MEGF10: variants seen among roughly 807,000 people sequenced by gnomAD.
MEGF10 encodes multiple epidermal growth factor-like domains protein 10.
MEGF10 carries 86 observed loss-of-function variants against 147.5 expected under a neutral mutation model. That is an observed-to-expected ratio of 0.58 (90% CI 0.49 to 0.70). The LOEUF is 0.70. Ranked by LOEUF, MEGF10 falls within the 30% of genes least tolerant of loss-of-function variation. The pLI is 0.00. For missense variants in MEGF10, 1,329 were observed against 1,487.3 expected, an observed-to-expected ratio of 0.89 and a Z score of 1.75; for synonymous variants, 478 against 525.5, an observed-to-expected ratio of 0.91 and a Z score of 1.24.
At chr5:127,350,556 G>A (rs781352901) in intron 4 of MEGF10, among the ~76,000 whole-genome samples, 16 of 151,340 alleles carry the variant, frequency 1.1e-4, no homozygotes, top group Non-Finnish European at 2.1e-4. Flanking sequence ...TCCTTTCTAA[G>A]CAGCAGGCAC....
At chr5:127,442,217 G>T (rs1172443103) in intron 18 of MEGF10, among the ~76,000 whole-genome samples, 2 of 152,154 alleles carry the variant, frequency 1.3e-5, no homozygotes, top group Admixed American at 6.5e-5. Context: ...TATTTTTGGA[G>T]ACTTCTCCCA....
chr5:127,389,022 T>C (rs1453227885), intron 5 of MEGF10, among the ~76,000 whole-genome samples: 1 of 152,198 alleles, frequency 6.6e-6, no homozygotes, highest in African/African-American at 2.4e-5. Context: ...AGAAATATAA[T>C]GGTGGAATAT....
At chr5:127,253,222 G>A in the MEGF10 span, among the ~76,000 whole-genome samples, 1 of 151,908 alleles carries the variant, frequency 6.6e-6, no homozygotes, top group Non-Finnish European at 1.5e-5. Flanking sequence ...AATTTATTGA[G>A]CCAGGGATTA....
the MEGF10 span, among the ~76,000 whole-genome samples, chr5:127,230,370 TG>T: frequency 2.6e-5 from 4 of 151,984 alleles, no homozygotes; most frequent in Non-Finnish European, 5.9e-5. Context: ...TCCCCAGGCT[TG>T]AAGCTAACTG....
intron 7 of MEGF10, among the ~76,000 whole-genome samples, chr5:127,400,314 A>T (rs1764077109): frequency 1.3e-5 from 2 of 152,210 alleles, no homozygotes; most frequent in Admixed American, 1.3e-4. Flanking sequence ...GGTGAAAAAG[A>T]AGCTGTTTAA....
At chr5:127,305,337 G>A (rs925770414) in intron 1 of MEGF10, among the ~76,000 whole-genome samples, 1 of 152,184 alleles carries the variant, frequency 6.6e-6, no homozygotes, top group East Asian at 1.9e-4. Context: ...ATAGCTGTGT[G>A]TTCATAGGAT....
the MEGF10 span, among the ~76,000 whole-genome samples, chr5:127,265,772 T>A: frequency 6.6e-6 from 1 of 152,158 alleles, no homozygotes. Flanking sequence ...GGGTTGTTTG[T>A]TTTTTTCTTG....
rs1766489343 is a variant in MEGF10 at position 127,459,545 on chromosome 5, T to C, written c.*2227T>C. 1.3e-5 allele frequency: 2 copies of C among 152,184 alleles called. No individual in the cohort carries two copies. The highest frequency in any genetic ancestry group is 1.3e-4 in the Admixed American group (2 of 15,258). The allele number at this position is 152,184 out of a possible 1,614,324, so 9.4% of individuals were successfully genotyped here. A position where few individuals can be genotyped will look rare whatever the true frequency, so the allele number is the denominator to read the frequency against. On this transcript the variant is annotated 3_prime_UTR_variant, in exon 25 of 25. Coordinates refer to ENST00000503335, the MANE Select transcript of MEGF10 (RefSeq NM_001256545.2). ...TGGTAAATTTGAATTTCCCCATTGT[T>C]CTCTAGAGCTAGGTCAAAAAAACAA...
the MEGF10 span, among the ~76,000 whole-genome samples, chr5:127,283,891 CTT>C: frequency 6.6e-6 from 1 of 152,114 alleles, no homozygotes; most frequent in African/African-American, 2.4e-5. Context: ...CATATTAAAA[CTT>C]TTTTTGGGGG....
intron 5 of MEGF10, among the ~76,000 whole-genome samples, chr5:127,372,760 C>G (rs1327467899): frequency 6.6e-6 from 1 of 152,196 alleles, no homozygotes; most frequent in African/African-American, 2.4e-5. Context: ...TGCTCTTTCT[C>G]TTCACATGAT....
intron 4 of MEGF10, among the ~76,000 whole-genome samples, chr5:127,368,195 A>C (rs1264426430): frequency 6.6e-6 from 1 of 152,208 alleles, no homozygotes; most frequent in African/African-American, 2.4e-5. Context: ...CAGTGTGTTC[A>C]TATGTTACAG....
rs199600155 is a variant in MEGF10, at chr5:127,410,474, G to A, written c.1003G>A (p.Val335Met). 9.9e-6 allele frequency: 16 copies of A among 1,614,210 alleles called. No homozygotes were observed. Among genetic ancestry groups the A allele is most frequent in the Middle Eastern group, 1.6e-4 (1 of 6,062 alleles). Residue 335 changes from valine to methionine, a missense_variant, in exon 9 of 25, where the codon GTG (valine) becomes ATG (methionine). Coordinates refer to ENST00000503335, the MANE Select transcript of MEGF10 (RefSeq NM_001256545.2). ...TGTCAACGGAGGGAAGTGTTACCAC[G>A]TGAGCGGCGCATGCCTCTGTGAAGC... Reference protein sequence around the residue: ...QCVNGGKCYHVSGACLCEAGF... With the variant: ...QCVNGGKCYHMSGACLCEAGF...
chr5:127,388,165 T>G (rs922942231), intron 5 of MEGF10, among the ~76,000 whole-genome samples: 23 of 152,182 alleles, frequency 1.5e-4, no homozygotes, highest in African/African-American at 4.3e-4. Flanking sequence ...TATTATCATT[T>G]TGAGGCAGGA....
At chr5:127,406,565 G>T (rs1032369375) in intron 8 of MEGF10, among the ~76,000 whole-genome samples, 16 of 152,196 alleles carry the variant, frequency 1.1e-4, no homozygotes, top group Non-Finnish European at 2.2e-4. Context: ...TGAGAAGTCA[G>T]TGAAATTTGA....
intron 4 of MEGF10, among the ~76,000 whole-genome samples, chr5:127,352,849 A>G (rs1205535822): frequency 6.6e-6 from 1 of 152,216 alleles, no homozygotes; most frequent in Non-Finnish European, 1.5e-5. Context: ...CTGATAAAGA[A>G]GACAGTTTGA....
At chr5:127,388,503 ATTTTCTT>A (rs1031307590) in intron 5 of MEGF10, among the ~76,000 whole-genome samples, 1 of 147,692 alleles carries the variant, frequency 6.8e-6, no homozygotes, top group African/African-American at 2.5e-5. Flanking sequence ...TAGCTCCTTA[ATTTTCTT>A]TTTTCTTTTT....
intron 4 of MEGF10, among the ~76,000 whole-genome samples, chr5:127,367,087 G>A (rs1762684832): frequency 6.6e-6 from 1 of 152,128 alleles, no homozygotes; most frequent in African/African-American, 2.4e-5. Context: ...AACTCAATTG[G>A]TGTCATCCTG....
chr5:127,295,681 TCATGA>T (rs1449897434), intron 1 of MEGF10, among the ~76,000 whole-genome samples: 1 of 152,196 alleles, frequency 6.6e-6, no homozygotes, highest in Non-Finnish European at 1.5e-5. Flanking sequence ...CTGAGTGTCA[TCATGA>T]CACAGGGCAG....
In MEGF10 at chr5:127,455,484, C is replaced by T. The variant is rs759911660; in HGVS notation, c.3109C>T (p.Pro1037Ser). Residue 1037 changes from proline to serine, a missense_variant, in exon 24 of 25, where the codon CCT becomes TCT. This residue lies in a region of MEGF10 where 343 missense variants were observed against 377.9 expected (regional missense o/e 0.91). Coordinates refer to ENST00000503335, the MANE Select transcript of MEGF10 (RefSeq NM_001256545.2). ...CCCATATGCCACTATTAAAGACCCA[C>T]CTGTACTTATCCCGAAAAGCTCAGA... The part of the protein sequence containing the change: ...ENPYATIKDP[P>S]VLIPKSSECG... 1.2e-6 allele frequency: 2 copies of T among 1,614,086 alleles called. No homozygotes were observed. The highest frequency in any genetic ancestry group is 8.5e-7 in the Non-Finnish European group (1 of 1,180,000).
Sources: gnomAD v4.1 joint callset for allele counts (sites outside exome capture counted in the v4.1 genomes callset) on GRCh38, gnomAD v4.1.1 for gene constraint, gnomAD v4.1.1 regional missense constraint, MANE v1.5 for transcripts, NCBI Gene and HGNC (gene_info 2026-07-23, HGNC 2026-07-21) for gene names.